The following CCSER1 variants were observed in gnomAD, a reference collection of about 807,000 sequenced individuals.
The protein encoded by CCSER1 is serine-rich coiled-coil domain-containing protein 1.
A neutral mutation model predicts 82.0 loss-of-function variants in CCSER1; 41 were observed. That is an observed-to-expected ratio of 0.50 (90% confidence interval 0.39 to 0.65). The LOEUF is 0.65. Ranked by LOEUF, CCSER1 falls within the 30% of genes least tolerant of loss-of-function variation. CCSER1 has a pLI of 0.00. For synonymous variants in CCSER1, 414 were observed against 383.9 expected (o/e 1.08, Z -0.92); for missense variants, 1,119 against 1,064.2 (o/e 1.05, Z -0.72).
rs577787616 is a variant in CCSER1, at chr4:91,504,009, A to G, written c.2218-94563A>G. 1.7e-4 allele frequency among the ~76,000 whole-genome samples: 26 copies of G among 152,318 alleles called. 1 individual carries two copies. The South Asian group carries it at 2.9e-3, about 17-fold the overall frequency. ...ATTCTTTTATTACTGTCTACTCTGCATACATAAGTCCTTTTTATTTACTTA... is the reference window on the plus strand; with the variant it reads ...ATTCTTTTATTACTGTCTACTCTGCGTACATAAGTCCTTTTTATTTACTTA... On this transcript the variant is annotated intron_variant, in intron 10 of 10. Coordinates refer to ENST00000509176, the MANE Select transcript of CCSER1 (RefSeq NM_001145065.2).
chr4:90,837,648 G>A (rs1761979541), intron 8 of CCSER1, among the ~76,000 whole-genome samples: 1 of 152,130 alleles, frequency 6.6e-6, no homozygotes. Flanking sequence ...TCATGAGACA[G>A]CAGTGTAATA....
intron 5 of CCSER1, among the ~76,000 whole-genome samples, chr4:90,524,551 C>G (rs1231265391): frequency 6.6e-6 from 1 of 152,130 alleles, no homozygotes; most frequent in East Asian, 1.9e-4. Flanking sequence ...TCACTGCAAC[C>G]TCAGCCTCCC....
At chr4:91,521,378 C>T (rs900671629) in intron 10 of CCSER1, among the ~76,000 whole-genome samples, 2 of 152,122 alleles carry the variant, frequency 1.3e-5, no homozygotes, top group East Asian at 3.9e-4. Context: ...GATTTATAAC[C>T]CTTTGAGTAT....
At chr4:91,100,142 T>G (rs1246519184) in intron 10 of CCSER1, among the ~76,000 whole-genome samples, 1 of 152,096 alleles carries the variant, frequency 6.6e-6, no homozygotes, top group African/African-American at 2.4e-5. Context: ...AATTTATGAT[T>G]TGTAGGGCAT....
chr4:90,580,566 TAG>T (rs747428216), intron 5 of CCSER1, among the ~76,000 whole-genome samples: 8 of 152,210 alleles, frequency 5.3e-5, no homozygotes, highest in Non-Finnish European at 1.2e-4. Flanking sequence ...CTCAGACCTA[TAG>T]AAATACTCTT....
chr4:90,507,661 G>A (rs554825534), intron 5 of CCSER1, among the ~76,000 whole-genome samples: 1 of 152,084 alleles, frequency 6.6e-6, no homozygotes, highest in Non-Finnish European at 1.5e-5. Flanking sequence ...AGAGATAAAG[G>A]TATGATTTTA....
intron 10 of CCSER1, among the ~76,000 whole-genome samples, chr4:91,588,024 A>G (rs2110332705): frequency 6.6e-6 from 1 of 151,770 alleles, no homozygotes; most frequent in East Asian, 1.9e-4. Flanking sequence ...AAATGAAAAT[A>G]ATTGACAATT....
intron 1 of CCSER1, among the ~76,000 whole-genome samples, chr4:90,240,256 T>G (rs1746592043): frequency 6.6e-6 from 1 of 152,068 alleles, no homozygotes; most frequent in African/African-American, 2.4e-5. Context: ...GTGGACTCAG[T>G]AGGACTCAGG....
chr4:90,824,082 CT>C (rs1408249960), intron 8 of CCSER1, among the ~76,000 whole-genome samples: 3 of 151,814 alleles, frequency 2.0e-5, no homozygotes, highest in Admixed American at 6.6e-5. Context: ...GAGTTGAACA[CT>C]TTTTCCTCCC....
intron 10 of CCSER1, among the ~76,000 whole-genome samples, chr4:91,233,341 G>A (rs1581815074): frequency 6.6e-6 from 1 of 151,972 alleles, no homozygotes; most frequent in Middle Eastern, 3.4e-3. Context: ...TGAAGTGAAA[G>A]TGAAAGACCT....
chr4:90,223,121 C>A (rs1351139140), intron 1 of CCSER1, among the ~76,000 whole-genome samples: 1 of 152,180 alleles, frequency 6.6e-6, no homozygotes, highest in Non-Finnish European at 1.5e-5. Context: ...TCTGTTCCCC[C>A]ATTCCTAACC....
At chr4:90,305,141 C>G (rs991342320) in intron 1 of CCSER1, among the ~76,000 whole-genome samples, 1 of 152,186 alleles carries the variant, frequency 6.6e-6, no homozygotes, top group Non-Finnish European at 1.5e-5. Flanking sequence ...TGGTCTCAAT[C>G]TCCTGACCTC....
chr4:90,508,693 C>T (rs1391860795), intron 5 of CCSER1, among the ~76,000 whole-genome samples: 1 of 152,016 alleles, frequency 6.6e-6, no homozygotes, highest in East Asian at 1.9e-4. Flanking sequence ...AGTTCCACTA[C>T]AGTATCAGAT....
chr4:90,147,840 A>G (rs552498393), intron 1 of CCSER1, among the ~76,000 whole-genome samples: 1 of 152,306 alleles, frequency 6.6e-6, no homozygotes, highest in East Asian at 1.9e-4. Context: ...AACATAATTC[A>G]TTTGAAGAGT....
chr4:91,530,667 G>A (rs987061617), intron 10 of CCSER1, among the ~76,000 whole-genome samples: 5 of 146,996 alleles, frequency 3.4e-5, no homozygotes, highest in Non-Finnish European at 4.5e-5. Flanking sequence ...CTGTTATAAA[G>A]AATTGTATTT....
At chr4:90,501,643 G>A (rs534848632) in intron 5 of CCSER1, among the ~76,000 whole-genome samples, 22 of 152,106 alleles carry the variant, frequency 1.4e-4, no homozygotes, top group Admixed American at 5.9e-4. Context: ...CAAACATTTT[G>A]AAAATATAAT....
At chr4:90,396,821 CTTTT>C (rs1752028922) in intron 3 of CCSER1, among the ~76,000 whole-genome samples, 1 of 151,754 alleles carries the variant, frequency 6.6e-6, no homozygotes, top group Non-Finnish European at 1.5e-5. Context: ...TTCTTTCTTT[CTTTT>C]CCCTTTCTCT....
At chr4:91,483,215 G>A (rs1758041809) in intron 10 of CCSER1, among the ~76,000 whole-genome samples, 1 of 152,078 alleles carries the variant, frequency 6.6e-6, no homozygotes, top group African/African-American at 2.4e-5. Context: ...ATAGAAGAAT[G>A]TGTTGGCAAA....
At chr4:91,158,651 A>G (rs961092802) in intron 10 of CCSER1, among the ~76,000 whole-genome samples, 2 of 148,840 alleles carry the variant, frequency 1.3e-5, no homozygotes, top group African/African-American at 2.5e-5. Flanking sequence ...TGTGTGTCTC[A>G]CTGGGATGGA....
Sources: gnomAD v4.1 joint callset for allele counts (sites outside exome capture counted in the v4.1 genomes callset) on GRCh38, gnomAD v4.1.1 for gene constraint, MANE v1.5 for transcripts, NCBI Gene and HGNC (gene_info 2026-07-23, HGNC 2026-07-21) for gene names.